The following TEC variants were observed in gnomAD, a reference collection of about 807,000 sequenced individuals.
TEC encodes tec protein tyrosine kinase.
In TEC, 72 loss-of-function variants were observed where a neutral mutation model predicts 93.0. The ratio of observed to expected loss-of-function variants is 0.77; its 90% CI spans 0.64 to 0.94. The LOEUF (loss-of-function observed/expected upper bound fraction) is 0.94, where lower values mean the gene tolerates loss of function less well. Ranked by LOEUF, TEC falls within the 40% of genes least tolerant of loss-of-function variation. The probability of loss-of-function intolerance (pLI) is 0.00; values close to 1 mark genes in which losing one functional copy is unlikely to be tolerated. For synonymous variants in TEC, 249 were observed against 247.7 expected, an observed-to-expected ratio of 1.01 and a Z score of -0.05; for missense variants, 630 against 757.9, an observed-to-expected ratio of 0.83 and a Z score of 1.98.
chr4:48,149,876 T>C (rs1446988709), intron 10 of TEC, among the ~76,000 whole-genome samples, 186 bp from the exon 11 acceptor site: 1 of 152,234 alleles, frequency 6.6e-6, no homozygotes, highest in African/African-American at 2.4e-5. Flanking sequence ...GTTTTTAAAT[T>C]ACTCACTGAA....
At chr4:48,258,985 C>T (rs1474015925) in intron 1 of TEC, among the ~76,000 whole-genome samples, 1 of 152,202 alleles carries the variant, frequency 6.6e-6, no homozygotes, top group African/African-American at 2.4e-5. Flanking sequence ...TCCACAGACA[C>T]TACATTAAAT....
At chr4:48,190,732 G>C (rs1722064088) in intron 2 of TEC, among the ~76,000 whole-genome samples, 1 of 152,156 alleles carries the variant, frequency 6.6e-6, no homozygotes, top group East Asian at 1.9e-4. Flanking sequence ...AAAAAGACTG[G>C]ATATTGCTGT....
chr4:48,265,103 T>C (rs1724598863), intron 1 of TEC, among the ~76,000 whole-genome samples: 1 of 151,904 alleles, frequency 6.6e-6, no homozygotes, highest in Admixed American at 6.6e-5. Context: ...AAAAAGTTGC[T>C]CCAAAAAATC....
At chr4:48,211,853 T>C (rs1722910597) in intron 2 of TEC, among the ~76,000 whole-genome samples, 1 of 152,000 alleles carries the variant, frequency 6.6e-6, no homozygotes, top group African/African-American at 2.4e-5. Context: ...ATCCCAGCAC[T>C]TTGGGAGGCC....
intron 2 of TEC, among the ~76,000 whole-genome samples, chr4:48,193,261 C>T (rs1249152809): frequency 6.6e-6 from 1 of 151,812 alleles, no homozygotes; most frequent in Middle Eastern, 3.2e-3. Flanking sequence ...AAGAGCATAA[C>T]CAGCACCACC....
intron 2 of TEC, among the ~76,000 whole-genome samples, chr4:48,184,381 T>C (rs1394516440): frequency 2.0e-5 from 3 of 152,188 alleles, no homozygotes; most frequent in Non-Finnish European, 2.9e-5. Flanking sequence ...AACTATAAAA[T>C]CAAAGAAAGT....
At chr4:48,203,925 C>T (rs11942525) in intron 2 of TEC, among the ~76,000 whole-genome samples, 13,569 of 152,192 alleles carry the variant, frequency 0.089, 744 homozygotes, top group East Asian at 0.22. Context: ...ATCTGTACAA[C>T]GCAAGGAGCC....
chr4:48,197,731 G>A (rs1722348306), intron 2 of TEC, among the ~76,000 whole-genome samples: 4 of 152,264 alleles, frequency 2.6e-5, no homozygotes, highest in African/African-American at 9.6e-5. Flanking sequence ...CTTTCATGTT[G>A]CCTCAGCATC....
At chr4:48,261,718 G>GT (rs1470859080) in intron 1 of TEC, among the ~76,000 whole-genome samples, 2 of 152,162 alleles carry the variant, frequency 1.3e-5, no homozygotes, top group African/African-American at 4.8e-5. Flanking sequence ...ATCTCATATA[G>GT]TACATGACAA....
intron 6 of TEC, 60 bp from the exon 7 acceptor site, chr4:48,168,013 A>T (rs1268154343): frequency 1.9e-5 from 29 of 1,498,124 alleles, no homozygotes; most frequent in Non-Finnish European, 2.5e-5. Context: ...ATCATGAATC[A>T]AAACACTAAA....
At chr4:48,190,566 G>A (rs7699131) in intron 2 of TEC, among the ~76,000 whole-genome samples, 10 of 152,178 alleles carry the variant, frequency 6.6e-5, no homozygotes, top group South Asian at 2.1e-4. Flanking sequence ...GCATTTTGAC[G>A]CCCTAGCAAG....
chr4:48,218,795 C>T (rs1387033275), intron 2 of TEC, among the ~76,000 whole-genome samples: 1 of 152,134 alleles, frequency 6.6e-6, no homozygotes, highest in African/African-American at 2.4e-5. Flanking sequence ...TGAGAGATTT[C>T]CCAGGGTGTT....
intron 1 of TEC, among the ~76,000 whole-genome samples, chr4:48,238,492 C>T (rs370557741): frequency 5.3e-5 from 8 of 151,910 alleles, no homozygotes; most frequent in Middle Eastern, 3.2e-3. Context: ...GTTGAAAGGC[C>T]GGCTGATTTC....
At chr4:48,184,596 A>T (rs754971745) in intron 2 of TEC, among the ~76,000 whole-genome samples, 1 of 152,100 alleles carries the variant, frequency 6.6e-6, no homozygotes, top group Non-Finnish European at 1.5e-5. Context: ...GTTTGTACAT[A>T]TATTGCTATC....
In TEC at chr4:48,149,550, C is replaced by T; in HGVS notation, c.1006+7G>A. On this transcript the variant is annotated splice_region_variant and intron_variant, in intron 11 of 17. Transcript: ENST00000381501. ...ATATTTGAAGTAGGTTTTCACAGCT[C>T]ACTTACCTGCTGCATTGTGCTTATG... The T allele has an allele frequency of 6.3e-7, 1 of 1,592,520 alleles. No homozygotes were observed. Among genetic ancestry groups the T allele is most frequent in the Non-Finnish European group, 8.5e-7 (1 of 1,172,430 alleles).
intron 12 of TEC, 120 bp downstream of exon 12, chr4:48,146,205 A>G: frequency 4.8e-6 from 4 of 834,816 alleles, no homozygotes; most frequent in Non-Finnish European, 7.6e-6. Context: ...CTAAAAACCT[A>G]TACTATAAAC....
At chr4:48,137,574 A>AT in intron 17 of TEC, 75 bp from the exon 18 acceptor site, 1 of 1,202,534 alleles carries the variant, frequency 8.3e-7, no homozygotes, top group Non-Finnish European at 1.2e-6. Context: ...TCCAACTCCT[A>AT]AACACAGCAT....
At chr4:48,150,055 A>C (rs1020323036) in intron 10 of TEC, among the ~76,000 whole-genome samples, 2 of 152,208 alleles carry the variant, frequency 1.3e-5, no homozygotes, top group African/African-American at 4.8e-5. Context: ...TGAATAAATT[A>C]GACTTTTAAA....
Position 48,150,750 on chromosome 4 carries a change from TTTTTAATGGTGAAATGCTGCATA to T in TEC, c.872+90_872+112del. On this transcript the variant is annotated intron_variant, in intron 10 of 17. Transcript: ENST00000381501. ...CTTTAGAAATCAAGTTCAGGTTTTCTTTTTAATGGTGAAATGCTGCATATTTTTATGAAAATTAGGAATCCATA... is the reference window on the plus strand; with the variant it reads ...CTTTAGAAATCAAGTTCAGGTTTTCTTTTTTATGAAAATTAGGAATCCATA... The T allele has an allele frequency of 4.2e-6, 3 of 716,686 alleles. No individual in the cohort carries two copies. The Admixed American group carries it at 8.6e-5, about 21-fold the overall frequency. The allele number at this position is 716,686 out of a possible 1,614,324, so 44.4% of individuals were successfully genotyped here.
Sources: gnomAD v4.1 joint callset for allele counts (sites outside exome capture counted in the v4.1 genomes callset) on GRCh38, gnomAD v4.1.1 for gene constraint, MANE v1.5 for transcripts, NCBI Gene and HGNC (gene_info 2026-07-23, HGNC 2026-07-21) for gene names.